GAS6: variants seen among roughly 807,000 people sequenced by gnomAD.
GAS6 encodes the protein growth arrest-specific protein 6.
A neutral mutation model predicts 75.8 loss-of-function variants in GAS6; 41 were observed. The ratio of observed to expected loss-of-function variants is 0.54; its 90% CI spans 0.42 to 0.70. The LOEUF is 0.70. Among genes scored for constraint, GAS6 ranks in the 30% least tolerant of loss-of-function variants. The probability of loss-of-function intolerance (pLI) is 0.00; values close to 1 mark genes in which losing one functional copy is unlikely to be tolerated. For synonymous variants in GAS6, 432 were observed against 412.6 expected, an observed-to-expected ratio of 1.05 and a Z score of -0.57; for missense variants, 854 against 940.2, an observed-to-expected ratio of 0.91 and a Z score of 1.20.
chr13:113,828,962 G>C (rs1339288372), intron 10 of GAS6, among the ~76,000 whole-genome samples: 85 of 114,702 alleles, frequency 7.4e-4, no homozygotes, highest in African/African-American at 3.9e-3. Flanking sequence ...CGACCTCAGG[G>C]AGACCACCTG....
At chr13:113,858,991 CATGT>C (rs2051944248) in intron 2 of GAS6, among the ~76,000 whole-genome samples, 1 of 148,958 alleles carries the variant, frequency 6.7e-6, no homozygotes, top group South Asian at 2.2e-4. Context: ...TGAATGTGTG[CATGT>C]ATGTATACAT....
At chr13:113,856,296 C>T (rs946662315) in intron 2 of GAS6, among the ~76,000 whole-genome samples, 2 of 152,216 alleles carry the variant, frequency 1.3e-5, no homozygotes, top group Admixed American at 6.5e-5. Flanking sequence ...GGTGCTGCCG[C>T]GTCCTGCTCT....
At chr13:113,854,282 G>A (rs887737692) in intron 2 of GAS6, among the ~76,000 whole-genome samples, 2 of 152,238 alleles carry the variant, frequency 1.3e-5, no homozygotes, top group Non-Finnish European at 1.5e-5. Flanking sequence ...TGCCTGACCC[G>A]GTGGGTAACC....
chr13:113,821,097 C>T, intron 14 of GAS6, 79 bp from the exon 15 acceptor site: 1 of 1,504,716 alleles, frequency 6.6e-7, no homozygotes, highest in Non-Finnish European at 9.1e-7. Context: ...CCCGGCAGCG[C>T]TTGTGGCCAG....
intron 2 of GAS6, among the ~76,000 whole-genome samples, chr13:113,853,212 G>C (rs2051889772): frequency 6.6e-6 from 1 of 152,232 alleles, no homozygotes; most frequent in Admixed American, 6.5e-5. Flanking sequence ...ACCTCACGCA[G>C]CCTAAAGTCA....
intron 4 of GAS6, chr13:113,841,576 C>T (rs796533712): frequency 1.2e-4 from 19 of 155,042 alleles, no homozygotes; most frequent in South Asian, 6.6e-4. Flanking sequence ...CCACAGTTTC[C>T]TCCATACGCC....
intron 2 of GAS6, among the ~76,000 whole-genome samples, chr13:113,849,334 AT>A (rs1343932897): frequency 6.6e-6 from 1 of 152,038 alleles, no homozygotes; most frequent in African/African-American, 2.4e-5. Context: ...CTCACTTCCA[AT>A]TTTAGTCATG....
chr13:113,839,060 C>T (rs1199476193), intron 5 of GAS6: 1 of 160,834 alleles, frequency 6.2e-6, no homozygotes, highest in Non-Finnish European at 1.4e-5. Context: ...GGGCTCAGCT[C>T]CCTGGATGCC....
At chr13:113,857,598 T>C (rs959435856) in intron 2 of GAS6, among the ~76,000 whole-genome samples, 1 of 152,208 alleles carries the variant, frequency 6.6e-6, no homozygotes, top group African/African-American at 2.4e-5. Flanking sequence ...TGTCAATCGC[T>C]CTGGGGTAAA....
At chr13:113,833,711 G>A (rs980322602) in intron 8 of GAS6, 1 of 1,007,186 alleles carries the variant, frequency 9.9e-7, no homozygotes, top group African/African-American at 1.8e-5. Flanking sequence ...AGGCAGTGGT[G>A]TGACAGGCAC....
chr13:113,839,565 C>T (rs536943633), intron 5 of GAS6, 163 bp downstream of exon 5: 2 of 854,372 alleles, frequency 2.3e-6, no homozygotes, highest in African/African-American at 3.4e-5. Context: ...GCAGCTCCTC[C>T]CAATTCTCCT....
At chr13:113,826,467 T>TCGGCTTCG in intron 12 of GAS6, among the ~76,000 whole-genome samples, 4 of 128,760 alleles carry the variant, frequency 3.1e-5, no homozygotes, top group Admixed American at 7.5e-5. Context: ...GGCGCCGGCC[T>TCGGCTTCG]CGCAGGCACC....
At chr13:113,832,156 G>T (rs2051636377) in intron 10 of GAS6, 143 bp downstream of exon 10, 2 of 937,754 alleles carry the variant, frequency 2.1e-6, no homozygotes, top group African/African-American at 3.3e-5. Flanking sequence ...GAACTAAACG[G>T]GGCAGGGGTC....
chr13:113,832,767 G>A lies in GAS6; in HGVS notation c.835-15C>T, dbSNP rs1387762749. On this transcript the variant is annotated splice_polypyrimidine_tract_variant and intron_variant, in intron 8 of 14. Coordinates refer to ENST00000327773, the MANE Select transcript of GAS6 (RefSeq NM_000820.4). The stretch of plus-strand genomic sequence containing the variant: ...GGCAAGATGTCCTGCCACGGACGGG[G>A]GCCACGCCGGTCGGGGATGTGGCCT... 5.0e-6 allele frequency: 8 copies of A among 1,612,286 alleles called. No individual in the cohort carries two copies. The highest frequency in any genetic ancestry group is 2.7e-5 in the African/African-American group (2 of 74,940).
In GAS6 at chr13:113,837,921, T is replaced by G. The variant is rs1214445639; in HGVS notation, c.589+148A>C. Reference sequence around the variant, plus strand: ...GCAGCTCCCTGTGCTGCGGCTGGCCTGGGCTTGTGTAGTCTCTGCAGGATG... The same window carrying G: ...GCAGCTCCCTGTGCTGCGGCTGGCCGGGGCTTGTGTAGTCTCTGCAGGATG... On this transcript the variant is annotated intron_variant, in intron 6 of 14. Transcript: ENST00000327773. This position sits in a 1 kb window ranked among gnomAD's most constrained non-coding sequence, Gnocchi z 5.1. 1.1e-6 allele frequency: 1 copy of G among 915,156 alleles called. No homozygotes were observed. The highest frequency in any genetic ancestry group is 1.6e-6 in the Non-Finnish European group (1 of 608,998). 56.7% of individuals were successfully genotyped at this position (915,156 alleles called of 1,614,324 possible). A position where few individuals can be genotyped will look rare whatever the true frequency, so the allele number is the denominator to read the frequency against.
chr13:113,828,139 C>T (rs934634575), intron 11 of GAS6, among the ~76,000 whole-genome samples: 10 of 152,252 alleles, frequency 6.6e-5, no homozygotes, highest in Non-Finnish European at 1.3e-4. Flanking sequence ...TGGCGGGCGC[C>T]TGTAGTCCCA....
chr13:113,835,983 C>G, intron 6 of GAS6: 3 of 1,069,242 alleles, frequency 2.8e-6, no homozygotes, highest in Non-Finnish European at 3.4e-6. Context: ...AAAGTAACCC[C>G]CCGGGGGCAT....
chr13:113,824,724 G>A (rs7399367), intron 12 of GAS6, among the ~76,000 whole-genome samples: 1 of 151,540 alleles, frequency 6.6e-6, no homozygotes, highest in Non-Finnish European at 1.5e-5. Flanking sequence ...GTGTACGCCT[G>A]AAACCCACAT....
At position 113,846,539 on chromosome 13, in the gene GAS6, T is replaced by G; in HGVS notation, c.331A>C (p.Thr111Pro). Reference protein sequence around the residue: ...SPYTKNSGFATCVQNLPDQCT... With the variant: ...SPYTKNSGFAPCVQNLPDQCT... ...GAGGCCGACTTACTTTGCACGCAGG[T>G]GGCGAAGCCTGAGTTTTTGGTGTAC... The change falls in exon 4 of 15, where the codon ACC (threonine) becomes CCC (proline). Residue 111 changes from threonine (T) to proline (P), a missense_variant. Coordinates refer to ENST00000327773, the MANE Select transcript of GAS6 (RefSeq NM_000820.4). The G allele has an allele frequency of 6.2e-7, 1 of 1,614,054 alleles. No homozygotes were observed. Among genetic ancestry groups the G allele is most frequent in the Non-Finnish European group, 8.5e-7 (1 of 1,180,002 alleles).
Sources: allele counts gnomAD v4.1 joint callset (sites outside exome capture counted in the v4.1 genomes callset), GRCh38; gene constraint gnomAD v4.1.1; non-coding constraint Gnocchi (gnomAD v3.1); transcripts MANE v1.5; gene names NCBI Gene and HGNC (gene_info 2026-07-23, HGNC 2026-07-21).